The following TSPEAR variants were observed in gnomAD, a reference collection of about 807,000 sequenced individuals.
TSPEAR encodes thrombospondin type laminin G domain and EAR repeats, also known as thrombospondin-type laminin G domain and EAR repeat-containing protein.
A neutral mutation model predicts 71.6 loss-of-function variants in TSPEAR; 69 were observed. That is an observed-to-expected ratio of 0.96 (90% CI 0.79 to 1.18). TSPEAR has a LOEUF of 1.18. Among genes scored for constraint, TSPEAR ranks in the 50% most tolerant of loss-of-function variants. TSPEAR has a pLI of 0.00. For synonymous variants in TSPEAR, 402 were observed against 387.2 expected, an observed-to-expected ratio of 1.04 and a Z score of -0.45; for missense variants, 971 against 894.9, an observed-to-expected ratio of 1.09 and a Z score of -1.09.
chr21:44,701,718 GGT>G, intron 1 of TSPEAR, among the ~76,000 whole-genome samples: 1 of 151,136 alleles, frequency 6.6e-6, no homozygotes, highest in Non-Finnish European at 1.5e-5. Context: ...GAGCTCGGGT[GGT>G]AAAGCTCACT....
intron 1 of TSPEAR, chr21:44,666,850 C>T: frequency 6.2e-7 from 1 of 1,611,440 alleles, no homozygotes; most frequent in Non-Finnish European, 8.5e-7. Context: ...GCGCAGCAGG[C>T]TGGCTGGCAG....
At chr21:44,557,510 C>T (rs1446658647) in intron 2 of TSPEAR, among the ~76,000 whole-genome samples, 1 of 151,818 alleles carries the variant, frequency 6.6e-6, no homozygotes, top group Non-Finnish European at 1.5e-5. Flanking sequence ...GTCAGACAGG[C>T]AGAGGAAGGA....
At chr21:44,518,121 T>C (rs2052640900) in intron 9 of TSPEAR, 1 of 358,296 alleles carries the variant, frequency 2.8e-6, no homozygotes, top group East Asian at 7.7e-5. Context: ...CTCTGTCTCA[T>C]TAGTAGCATT....
chr21:44,587,824 A>G (rs1979438679), intron 1 of TSPEAR, among the ~76,000 whole-genome samples: 1 of 152,218 alleles, frequency 6.6e-6, no homozygotes, highest in Non-Finnish European at 1.5e-5. Flanking sequence ...CAAGCCACAT[A>G]TAGGAGAATG....
In TSPEAR at chr21:44,527,615, G is replaced by A. The variant is rs587610974; in HGVS notation, c.923-97C>T. 80 of 1,185,104 alleles carry A rather than the reference G, an allele frequency of 6.8e-5. No homozygotes were observed. In the Admixed American group the frequency reaches 8.9e-4, roughly 13 times the overall value. 73.4% of individuals were successfully genotyped at this position (1,185,104 alleles called of 1,614,324 possible). Reference sequence around the variant, plus strand: ...GCGATTCCCAAGCCCCAAGTCACAAGCCACGACTCCTGCGCCTCAGCCTCG... The same window carrying A: ...GCGATTCCCAAGCCCCAAGTCACAAACCACGACTCCTGCGCCTCAGCCTCG... On this transcript the variant is annotated intron_variant, in intron 6 of 11. Coordinates refer to ENST00000323084, the MANE Select transcript of TSPEAR (RefSeq NM_144991.3).
intron 1 of TSPEAR, among the ~76,000 whole-genome samples, chr21:44,709,040 A>C (rs1555953071): frequency 6.6e-6 from 1 of 152,160 alleles, no homozygotes; most frequent in East Asian, 1.9e-4. Flanking sequence ...GGACAGGGAG[A>C]GGCAATGGAA....
chr21:44,569,308 T>C (rs457697), intron 1 of TSPEAR, among the ~76,000 whole-genome samples: 139,803 of 151,940 alleles, frequency 0.92, 64,503 homozygotes, highest in Non-Finnish European at 0.96. Flanking sequence ...CCGGATGTGA[T>C]GCAGCCGTGC....
In TSPEAR at chr21:44,649,422, T is replaced by TG. The variant is rs112361395; in HGVS notation, c.82+62010dup. Among the ~76,000 whole-genome samples, 20 of 152,248 alleles carry TG rather than the reference T, an allele frequency of 1.3e-4. 1 individual carries two copies. Among genetic ancestry groups the TG allele is most frequent in the African/African-American group, 4.8e-4 (20 of 41,544 alleles). ...TCAGCAGGAGGGGTACACTGGCTGG[T>TG]GCTCCTCTTAGCTGATTTCTTGGTT... is the stretch of plus-strand genomic sequence containing the variant. On this transcript the variant is annotated intron_variant, in intron 1 of 11. Transcript: ENST00000323084.
At chr21:44,707,990 C>T (rs1283005945) in intron 1 of TSPEAR, among the ~76,000 whole-genome samples, 3 of 97,250 alleles carry the variant, frequency 3.1e-5, no homozygotes, top group Non-Finnish European at 6.3e-5. Flanking sequence ...GATTCCCCCC[C>T]TCCCCGCCCC....
chr21:44,552,378 G>A (rs964950006), intron 2 of TSPEAR, among the ~76,000 whole-genome samples: 2 of 152,162 alleles, frequency 1.3e-5, no homozygotes, highest in Admixed American at 6.5e-5. Flanking sequence ...ATGGCCTGAA[G>A]CTGGTTCTCA....
chr21:44,513,884 C>T (rs1041542412), intron 9 of TSPEAR, among the ~76,000 whole-genome samples: 3 of 152,152 alleles, frequency 2.0e-5, no homozygotes, highest in Admixed American at 6.5e-5. Flanking sequence ...GTAGCCAGCT[C>T]AGGCTGGACA....
chr21:44,558,053 G>A (rs1364901057), intron 2 of TSPEAR: 13 of 1,602,952 alleles, frequency 8.1e-6, no homozygotes, highest in Non-Finnish European at 1.0e-5. Context: ...CTGCCCGTCA[G>A]CAGCTGGACT....
rs1402752830 is a variant in TSPEAR, at chr21:44,498,407, G to A, written c.*1376C>T. On this transcript the variant is annotated 3_prime_UTR_variant, in exon 12 of 12. Transcript: ENST00000323084. Reference sequence around the variant, plus strand: ...ACGCTTGGGAAAGCCTTGCTGGCTGGACGGAGGGGAAGGAGGCTCTCGGCG... The same window carrying A: ...ACGCTTGGGAAAGCCTTGCTGGCTGAACGGAGGGGAAGGAGGCTCTCGGCG... 1 of 152,268 alleles carries A rather than the reference G, an allele frequency of 6.6e-6. No individual in the cohort carries two copies. Among genetic ancestry groups the A allele is most frequent in the Non-Finnish European group, 1.5e-5 (1 of 68,058 alleles). The allele number at this position is 152,268 out of a possible 1,614,324, so 9.4% of individuals were successfully genotyped here.
intron 2 of TSPEAR, among the ~76,000 whole-genome samples, chr21:44,556,019 A>G (rs1480203979): frequency 1.3e-5 from 2 of 152,236 alleles, no homozygotes; most frequent in African/African-American, 2.4e-5. Flanking sequence ...AGACCTACTC[A>G]AGAATTAAGG....
rs368538502 is a variant in TSPEAR, at chr21:44,601,188, G to C, written c.83-33183C>G. Reference sequence around the variant, plus strand: ...GTGTGTCCAGTCCCTGCTGCCAGGCGGTCTGTGAGCCCAGCCCCTGCCAAT... The same window carrying C: ...GTGTGTCCAGTCCCTGCTGCCAGGCCGTCTGTGAGCCCAGCCCCTGCCAAT... On this transcript the variant is annotated intron_variant, in intron 1 of 11. Transcript: ENST00000323084. The C allele has an allele frequency of 3.1e-6, 5 of 1,601,966 alleles. No individual in the cohort carries two copies. The South Asian group carries it at 3.3e-5, about 11-fold the overall frequency.
rs2145974287 is a variant in TSPEAR at position 44,527,526 on chromosome 21, T to C, written c.923-8A>G. 2.5e-6 allele frequency: 4 copies of C among 1,613,646 alleles called. No homozygotes were observed. Among genetic ancestry groups the C allele is most frequent in the South Asian group, 1.1e-5 (1 of 91,070 alleles). On this transcript the variant is annotated splice_region_variant and splice_polypyrimidine_tract_variant and intron_variant, in intron 6 of 11. Coordinates refer to ENST00000323084, the MANE Select transcript of TSPEAR (RefSeq NM_144991.3). The stretch of plus-strand genomic sequence containing the variant: ...AGTCCAGTCTTTCTTTGGCTTGTGA[T>C]AGAAACGTTGTGACTCGGTTAAGAT...
intron 1 of TSPEAR, among the ~76,000 whole-genome samples, chr21:44,641,943 C>T (rs1438275543): frequency 1.2e-4 from 18 of 152,130 alleles, no homozygotes; most frequent in Non-Finnish European, 2.2e-4. Context: ...AGAAGAAACA[C>T]GACCCCCTCT....
chr21:44,616,663 AC>A (rs1484550340), intron 1 of TSPEAR, among the ~76,000 whole-genome samples: 1 of 152,176 alleles, frequency 6.6e-6, no homozygotes, highest in Non-Finnish European at 1.5e-5. Flanking sequence ...CCTGGTCAGC[AC>A]CCAATTCGAG....
At chr21:44,586,600 C>T (rs1282914627) in intron 1 of TSPEAR, among the ~76,000 whole-genome samples, 1 of 152,092 alleles carries the variant, frequency 6.6e-6, no homozygotes, top group Non-Finnish European at 1.5e-5. Context: ...CCAAAAAAAT[C>T]ACACCAATCA....
Sources: allele counts gnomAD v4.1 joint callset (sites outside exome capture counted in the v4.1 genomes callset), GRCh38; gene constraint gnomAD v4.1.1; transcripts MANE v1.5; gene names NCBI Gene and HGNC (gene_info 2026-07-23, HGNC 2026-07-21).